SRGAP3: variants seen among roughly 807,000 people sequenced by gnomAD.
SRGAP3 encodes the protein SLIT-ROBO Rho GTPase activating protein 3, also known as SLIT-ROBO Rho GTPase-activating protein 3.
Under a neutral mutation model 121.1 loss-of-function variants are expected in SRGAP3, and 39 were observed. The observed-to-expected ratio is 0.32, with a 90% CI of 0.25 to 0.42. The LOEUF (loss-of-function observed/expected upper bound fraction) is 0.42. Among genes scored for constraint, SRGAP3 ranks in the 10% least tolerant of loss-of-function variants. SRGAP3 has a pLI of 1.00. For missense variants in SRGAP3, 1,213 were observed against 1,470.6 expected, an observed-to-expected ratio of 0.82 and a Z score of 2.86; for synonymous variants, 601 against 570.0, an observed-to-expected ratio of 1.05 and a Z score of -0.77.
intron 1 of SRGAP3, among the ~76,000 whole-genome samples, chr3:9,146,869 T>G (rs999462852): frequency 2.0e-5 from 3 of 152,200 alleles, no homozygotes. Flanking sequence ...GAATTGTTCA[T>G]GTACACGTGA....
At chr3:9,007,778 A>C (rs1943154205) in intron 18 of SRGAP3, 1 of 152,136 alleles carries the variant, frequency 6.6e-6, no homozygotes, top group Admixed American at 6.5e-5. Flanking sequence ...GGCTTGCCTC[A>C]GATTACATGA....
chr3:9,049,353 GGCCATTA>G, intron 9 of SRGAP3: 1 of 455,704 alleles, frequency 2.2e-6, no homozygotes, highest in Non-Finnish European at 4.4e-6. Flanking sequence ...CTGGCCTATT[GGCCATTA>G]AGAGTCACTC....
At position 9,013,859 on chromosome 3, in the gene SRGAP3, C is replaced by G; in HGVS notation, c.1814-17G>C. The G allele has an allele frequency of 6.2e-7, 1 of 1,611,930 alleles. No individual in the cohort carries two copies. ...TCTCCAGTTCTGTAACATAAAGGGGCCTTTCAGCGTGCCTTTCATCCTCAG... is the reference window on the plus strand; with the variant it reads ...TCTCCAGTTCTGTAACATAAAGGGGGCTTTCAGCGTGCCTTTCATCCTCAG... On this transcript the variant is annotated splice_polypyrimidine_tract_variant and intron_variant, in intron 15 of 21. Transcript: ENST00000383836.
chr3:9,016,076 C>T (rs1271167520), intron 14 of SRGAP3: 6 of 329,776 alleles, frequency 1.8e-5, no homozygotes, highest in South Asian at 1.3e-4. Context: ...AACACACCAC[C>T]GCTAACTACT....
chr3:9,092,786 T>C (rs944597437), intron 3 of SRGAP3, among the ~76,000 whole-genome samples: 2 of 152,192 alleles, frequency 1.3e-5, no homozygotes, highest in South Asian at 2.1e-4. Context: ...CCGTGCCATT[T>C]TGCAGAATCT....
chr3:9,074,232 T>C (rs2125244945), intron 4 of SRGAP3, among the ~76,000 whole-genome samples: 1 of 152,204 alleles, frequency 6.6e-6, no homozygotes, highest in South Asian at 2.1e-4. Flanking sequence ...TTCCAAACTA[T>C]GTAGGAAAAA....
Position 8,985,992 on chromosome 3 carries a change from G to A in SRGAP3, c.2887-60C>T. ...GGAGACCTGGAGTCAGGTCCTTCCT[G>A]TCTGCTAAGCAGCTTCCCTTCGTAG... is the stretch of plus-strand genomic sequence containing the variant. On this transcript the variant is annotated intron_variant, in intron 21 of 21. Coordinates refer to ENST00000383836, the MANE Select transcript of SRGAP3 (RefSeq NM_014850.4). The surrounding 1 kb of genome is among the most constrained non-coding windows in gnomAD (Gnocchi z 5.1). The A allele has an allele frequency of 1.3e-6, 2 of 1,598,570 alleles. No homozygotes were observed. The highest frequency in any genetic ancestry group is 1.7e-6 in the Non-Finnish European group (2 of 1,179,552).
At chr3:9,106,332 A>C (rs530665422) in intron 2 of SRGAP3, among the ~76,000 whole-genome samples, 1 of 152,298 alleles carries the variant, frequency 6.6e-6, no homozygotes, top group East Asian at 1.9e-4. Context: ...GAAAGGCAGG[A>C]TGTGAGGGGA....
intron 3 of SRGAP3, among the ~76,000 whole-genome samples, chr3:9,298,879 C>CCAT (rs1372399395): frequency 6.6e-6 from 1 of 151,746 alleles, no homozygotes; most frequent in Non-Finnish European, 1.5e-5. Context: ...TGGTGAAACC[C>CCAT]CATCTCTACT....
intron 14 of SRGAP3, among the ~76,000 whole-genome samples, chr3:9,025,025 C>T (rs566006576): frequency 2.0e-5 from 3 of 152,168 alleles, no homozygotes; most frequent in Non-Finnish European, 4.4e-5. Context: ...AACTCTTTGG[C>T]AGGTAACAAT....
intron 4 of SRGAP3, among the ~76,000 whole-genome samples, chr3:9,068,804 C>A (rs1407749761): frequency 2.0e-5 from 3 of 152,074 alleles, no homozygotes; most frequent in Non-Finnish European, 2.9e-5. Flanking sequence ...TTCCAGGAGC[C>A]CTTCTAGTAA....
At chr3:9,217,365 C>A (rs1952670858) in intron 1 of SRGAP3, 1 of 152,096 alleles carries the variant, frequency 6.6e-6, no homozygotes, top group Non-Finnish European at 1.5e-5. Flanking sequence ...GCCACAGGGG[C>A]CTCATTGAGA....
chr3:9,196,511 T>C (rs1254294759), intron 1 of SRGAP3, among the ~76,000 whole-genome samples: 1 of 152,252 alleles, frequency 6.6e-6, no homozygotes, highest in Admixed American at 6.5e-5. Context: ...GCTCTTATTT[T>C]TGCTTTTTCT....
chr3:9,093,583 A>G (rs1265871031), intron 3 of SRGAP3, among the ~76,000 whole-genome samples: 1 of 151,904 alleles, frequency 6.6e-6, no homozygotes, highest in Non-Finnish European at 1.5e-5. Flanking sequence ...CCATCCATCC[A>G]TCAACCCACT....
At chr3:9,349,321 C>A in intron 1 of SRGAP3, 2 of 407,214 alleles carry the variant, frequency 4.9e-6, no homozygotes, top group South Asian at 2.2e-5. Flanking sequence ...CAGATGGGCA[C>A]CAGTGGCTCC....
intron 1 of SRGAP3, among the ~76,000 whole-genome samples, chr3:9,229,230 C>T (rs773214150): frequency 2.6e-5 from 4 of 152,196 alleles, no homozygotes; most frequent in Non-Finnish European, 5.9e-5. Flanking sequence ...CATTGCACTT[C>T]TAAGAAGCTC....
At chr3:9,067,966 G>A (rs537975777) in intron 4 of SRGAP3, among the ~76,000 whole-genome samples, 1 of 152,064 alleles carries the variant, frequency 6.6e-6, no homozygotes, top group Non-Finnish European at 1.5e-5. Flanking sequence ...AATAAAATAG[G>A]TGTGGCTAAA....
At chr3:8,996,340 A>ATCACTCCCCG (rs1942400176) in intron 18 of SRGAP3, among the ~76,000 whole-genome samples, 1 of 152,102 alleles carries the variant, frequency 6.6e-6, no homozygotes, top group Admixed American at 6.5e-5. Flanking sequence ...ATCACTCCCC[A>ATCACTCCCCG]CCACACACAT....
chr3:9,221,566 T>G (rs1952815851), intron 1 of SRGAP3, among the ~76,000 whole-genome samples: 2 of 152,094 alleles, frequency 1.3e-5, no homozygotes, highest in African/African-American at 4.8e-5. Context: ...ATGAAAAAAT[T>G]TTTTAAATAA....
Sources: allele counts gnomAD v4.1 joint callset (sites outside exome capture counted in the v4.1 genomes callset), GRCh38; gene constraint gnomAD v4.1.1; non-coding constraint Gnocchi (gnomAD v3.1); transcripts MANE v1.5; gene names NCBI Gene and HGNC (gene_info 2026-07-23, HGNC 2026-07-21).